MYOZ3: variants seen among roughly 807,000 people sequenced by gnomAD.
MYOZ3 encodes the protein myozenin 3, also known as myozenin-3.
MYOZ3 carries 19 observed loss-of-function variants against 26.5 expected under a neutral mutation model. The observed-to-expected ratio is 0.72, with a 90% confidence interval of 0.50 to 1.05. The LOEUF is 1.05. Among genes scored for constraint, MYOZ3 ranks in the 50% least tolerant of loss-of-function variants. The pLI, the probability that MYOZ3 is intolerant of heterozygous loss-of-function variation, is 0.00. For missense variants in MYOZ3, 322 were observed against 337.1 expected (o/e 0.96, Z 0.35); for synonymous variants, 135 against 138.8 (o/e 0.97, Z 0.19).
intron 2 of MYOZ3, among the ~76,000 whole-genome samples, chr5:150,666,252 ACATGTCTCCTTGG>A (rs1007895433): frequency 5.3e-5 from 8 of 152,208 alleles, no homozygotes; most frequent in African/African-American, 1.4e-4. Context: ...TGCTGTGGTG[ACATGTCTCCTTGG>A]CATGTCTCCT....
At chr5:150,665,303 C>T (rs531943015) in intron 2 of MYOZ3, among the ~76,000 whole-genome samples, 107 of 152,234 alleles carry the variant, frequency 7.0e-4, no homozygotes, top group African/African-American at 2.5e-3. Flanking sequence ...TGTGACCCCG[C>T]GGGGAGCTCT....
upstream of MYOZ3, chr5:150,660,928 A>G (rs1262688423): frequency 7.4e-6 from 1 of 136,024 alleles, no homozygotes; most frequent in Non-Finnish European, 1.6e-5. Context: ...AAGCAAAGAT[A>G]TTGAGGAGCA....
intron 3 of MYOZ3, chr5:150,671,272 A>T: frequency 2.9e-6 from 1 of 341,202 alleles, no homozygotes; most frequent in Non-Finnish European, 5.4e-6. Context: ...AGCACTTTGC[A>T]GGTATCTCAT....
intron 2 of MYOZ3, among the ~76,000 whole-genome samples, chr5:150,663,993 T>TAA (rs1183750404): frequency 1.3e-4 from 17 of 129,702 alleles, no homozygotes; most frequent in Admixed American, 1.6e-4. Flanking sequence ...ACTCTGTCTC[T>TAA]AAAAAAAAAA....
At chr5:150,671,967 T>C (rs1758923122) in intron 5 of MYOZ3, 59 bp downstream of exon 5, 18 of 1,465,140 alleles carry the variant, frequency 1.2e-5, no homozygotes, top group Non-Finnish European at 1.5e-5. Context: ...ATGGGTGTGC[T>C]CCCCATGGGG....
chr5:150,676,754 G>C lies in MYOZ3; in HGVS notation c.635G>C (p.Arg212Thr), dbSNP rs1759015142. ...GGPLVGGTFP[R>T]PGTPFIPEPL... The stretch of plus-strand genomic sequence containing the variant: ...CCCCTCGTGGGGGGCACTTTTCCCA[G>C]GCCAGGCACCCCCTTCATCCCGGAG... The change falls in exon 7 of 7, where the codon AGG becomes ACG. Residue 212 changes from arginine to threonine, a missense_variant. Physicochemically the swap from Arg to Thr is moderately conservative, Grantham distance 71. Coordinates refer to ENST00000517768, the MANE Select transcript of MYOZ3 (RefSeq NM_001122853.3). The C allele has an allele frequency of 2.5e-6, 4 of 1,613,930 alleles. No homozygotes were observed. The highest frequency in any genetic ancestry group is 3.4e-6 in the Non-Finnish European group (4 of 1,180,022).
intron 2 of MYOZ3, among the ~76,000 whole-genome samples, chr5:150,665,559 C>G (rs886981837): frequency 2.0e-5 from 3 of 152,204 alleles, no homozygotes; most frequent in African/African-American, 7.2e-5. Context: ...GAATAAATTC[C>G]TAGAAATAGA....
rs144898667 is a variant in MYOZ3 at position 150,665,360 on chromosome 5, G to A, written c.61+2358G>A. ...AATTCATCCCACCTGAGGCAAGGGC[G>A]CTGTGGAGCATCCATTCCACTGGCA... is the stretch of plus-strand genomic sequence containing the variant. On this transcript the variant is annotated intron_variant, in intron 2 of 6. Coordinates refer to ENST00000517768, the MANE Select transcript of MYOZ3 (RefSeq NM_001122853.3). Among the ~76,000 whole-genome samples, 176 of 152,242 alleles carry A rather than the reference G, an allele frequency of 1.2e-3. 1 individual carries two copies. Among genetic ancestry groups the A allele is most frequent in the Non-Finnish European group, 1.9e-3 (127 of 68,002 alleles).
At chr5:150,666,255 T>A (rs1359047701) in intron 2 of MYOZ3, among the ~76,000 whole-genome samples, 1 of 152,130 alleles carries the variant, frequency 6.6e-6, no homozygotes, top group African/African-American at 2.4e-5. Flanking sequence ...TGTGGTGACA[T>A]GTCTCCTTGG....
intron 6 of MYOZ3, among the ~76,000 whole-genome samples, 171 bp from the exon 7 acceptor site, chr5:150,676,534 ACT>A (rs1267009579): frequency 6.8e-5 from 9 of 132,396 alleles, no homozygotes; most frequent in African/African-American, 1.0e-4. Context: ...ACAGAGCGAG[ACT>A]CTGTCTCAAA....
intron 2 of MYOZ3, among the ~76,000 whole-genome samples, chr5:150,666,827 C>G (rs1170382856): frequency 6.6e-6 from 1 of 151,360 alleles, no homozygotes; most frequent in African/African-American, 2.4e-5. Flanking sequence ...GTGACATGAT[C>G]TCAGCTCATT....
chr5:150,666,663 A>G (rs977760103), intron 2 of MYOZ3, among the ~76,000 whole-genome samples: 5 of 147,846 alleles, frequency 3.4e-5, no homozygotes, highest in Non-Finnish European at 6.0e-5. Context: ...ACACATATAT[A>G]TAAAATATAG....
Position 150,678,399 on chromosome 5 carries a change from T to C in MYOZ3, c.*1524T>C, listed in dbSNP as rs554387010. On this transcript the variant is annotated 3_prime_UTR_variant, in exon 7 of 7. Coordinates refer to ENST00000517768, the MANE Select transcript of MYOZ3 (RefSeq NM_001122853.3). ...AACAACCCTGAGAGAAAGATATTGT[T>C]GTCCCCACTTTACAGATGTGGATAT... The C allele has an allele frequency of 1.3e-4, 20 of 152,482 alleles. No homozygotes were observed. The highest frequency in any genetic ancestry group is 4.8e-4 in the African/African-American group (20 of 41,578). The allele number at this position is 152,482 out of a possible 1,614,324, so 9.4% of individuals were successfully genotyped here. A position where few individuals can be genotyped will look rare whatever the true frequency, so the allele number is the denominator to read the frequency against.
intron 6 of MYOZ3, among the ~76,000 whole-genome samples, chr5:150,673,475 G>T (rs113229018): frequency 0.086 from 13,089 of 151,858 alleles, 1,766 homozygotes; most frequent in African/African-American, 0.28. Flanking sequence ...CTAGTAGCTG[G>T]GATTACAGGC....
At chr5:150,672,062 G>C in intron 5 of MYOZ3, 154 bp downstream of exon 5, 1 of 1,246,914 alleles carries the variant, frequency 8.0e-7, no homozygotes, top group Middle Eastern at 1.9e-4. Context: ...ACCACGAGCC[G>C]GAGGGGCGCC....
chr5:150,670,694 GT>G, intron 3 of MYOZ3, 56 bp downstream of exon 3: 1 of 1,536,596 alleles, frequency 6.5e-7, no homozygotes. Flanking sequence ...AGAGCCACTG[GT>G]TAGCCTAAAG....
intron 3 of MYOZ3, chr5:150,670,844 G>A (rs1452609031): frequency 2.7e-6 from 1 of 369,404 alleles, no homozygotes; most frequent in Non-Finnish European, 4.6e-6. Flanking sequence ...TGGATTAGGG[G>A]GTTGAGGATA....
chr5:150,667,431 G>A (rs1343104542), intron 2 of MYOZ3, among the ~76,000 whole-genome samples: 4 of 152,082 alleles, frequency 2.6e-5, no homozygotes, highest in Admixed American at 1.3e-4. Context: ...ATCTGCACCC[G>A]TGTTTGTGGT....
chr5:150,672,383 C>T lies in MYOZ3; in HGVS notation c.468C>T (p.Asn156=), dbSNP rs750912098. The change falls in exon 6 of 7, where the codon AAC becomes AAT. Residue 156 remains asparagine (N), a synonymous_variant. Transcript: ENST00000517768. ...PLKGVPPEKF[N]HTAISKGYRC... ...AGGGCGTCCCGCCAGAGAAGTTCAA[C>T]CACACCGCCATCTCCAAGGGCTACC... 2.2e-5 allele frequency: 36 copies of T among 1,612,844 alleles called. No individual in the cohort carries two copies. The highest frequency in any genetic ancestry group is 2.6e-5 in the Non-Finnish European group (31 of 1,179,664).
Sources: gnomAD v4.1 joint callset for allele counts (sites outside exome capture counted in the v4.1 genomes callset) on GRCh38, gnomAD v4.1.1 for gene constraint, MANE v1.5 for transcripts, NCBI Gene and HGNC (gene_info 2026-07-23, HGNC 2026-07-21) for gene names.